The following ACBD6 variants were observed in gnomAD, a reference collection of about 807,000 sequenced individuals.
ACBD6 encodes the protein acyl-CoA binding domain containing 6, also known as acyl-CoA-binding domain-containing protein 6.
Under a neutral mutation model 37.2 loss-of-function variants are expected in ACBD6, and 28 were observed. The observed-to-expected ratio is 0.75, with a 90% confidence interval of 0.56 to 1.03. The LOEUF (loss-of-function observed/expected upper bound fraction) is 1.03, where lower values mean the gene tolerates loss of function less well. Ranked by LOEUF, ACBD6 falls within the 50% of genes least tolerant of loss-of-function variation. The pLI is 0.00. For synonymous variants in ACBD6, 113 were observed against 126.8 expected (o/e 0.89, Z 0.73); for missense variants, 340 against 337.4 (o/e 1.01, Z -0.06).
intron 3 of ACBD6, among the ~76,000 whole-genome samples, chr1:180,482,227 AG>A (rs1408996494): frequency 6.6e-6 from 1 of 152,188 alleles, no homozygotes; most frequent in Non-Finnish European, 1.5e-5. Context: ...TAATTTTTAT[AG>A]GTAAAAGATA....
At position 180,367,231 on chromosome 1, in the gene ACBD6, G is replaced by C. The variant is rs375943948; in HGVS notation, c.663+30285C>G. 9.8e-5 allele frequency among the ~76,000 whole-genome samples: 15 copies of C among 152,288 alleles called. No homozygotes were observed. In the East Asian group the frequency reaches 2.7e-3, roughly 27 times the overall value. ...CAGAAACTCTGCCTATGTTTTTGCAGATGTAGAGATTTCTTTGCATAAGGG... is the reference window on the plus strand; with the variant it reads ...CAGAAACTCTGCCTATGTTTTTGCACATGTAGAGATTTCTTTGCATAAGGG... On this transcript the variant is annotated intron_variant, in intron 6 of 7. Transcript: ENST00000367595.
rs1649023605 is a variant in ACBD6 at position 180,436,063 on chromosome 1, C to T, written c.385-5801G>A. The T allele has an allele frequency of 8.2e-6, 5 of 612,248 alleles. No homozygotes were observed. The South Asian group carries it at 9.8e-5, about 12-fold the overall frequency. 37.9% of individuals were successfully genotyped at this position (612,248 alleles called of 1,614,324 possible). Reference sequence around the variant, plus strand: ...AAGTATTGCTAAATATGTTAGACCTCCAGGTTAAAGATGATTCAGCTTTAA... The same window carrying T: ...AAGTATTGCTAAATATGTTAGACCTTCAGGTTAAAGATGATTCAGCTTTAA... On this transcript the variant is annotated intron_variant, in intron 3 of 7. Transcript: ENST00000367595.
chr1:180,295,515 AT>A (rs35187691), intron 7 of ACBD6, among the ~76,000 whole-genome samples: 102,781 of 150,388 alleles, frequency 0.68, 37,347 homozygotes, highest in Non-Finnish European at 0.82. Context: ...CAGATAATGC[AT>A]TTTTTTTTTC....
At chr1:180,332,813 C>T (rs1021905361) in intron 6 of ACBD6, among the ~76,000 whole-genome samples, 2 of 152,156 alleles carry the variant, frequency 1.3e-5, no homozygotes, top group African/African-American at 4.8e-5. Flanking sequence ...TTCCACGAAA[C>T]CTGTCCCTGG....
At chr1:180,473,249 C>T (rs1160822131) in intron 3 of ACBD6, among the ~76,000 whole-genome samples, 1 of 151,926 alleles carries the variant, frequency 6.6e-6, no homozygotes, top group African/African-American at 2.4e-5. Context: ...AGATCGAGAC[C>T]ATCCTGGCTA....
At chr1:180,386,165 G>A (rs1375708300) in intron 6 of ACBD6, among the ~76,000 whole-genome samples, 1 of 152,150 alleles carries the variant, frequency 6.6e-6, no homozygotes, top group Admixed American at 6.5e-5. Context: ...GCTAGACACT[G>A]TCTCAAAAAA....
chr1:180,413,033 G>A (rs978601387), intron 5 of ACBD6, among the ~76,000 whole-genome samples: 15 of 152,168 alleles, frequency 9.9e-5, no homozygotes, highest in African/African-American at 3.6e-4. Flanking sequence ...GTATAATAAC[G>A]GAAGACACGA....
chr1:180,456,739 T>C (rs1649940627), intron 3 of ACBD6, among the ~76,000 whole-genome samples: 1 of 152,136 alleles, frequency 6.6e-6, no homozygotes, highest in Non-Finnish European at 1.5e-5. Flanking sequence ...AATTTTTTTT[T>C]TTTTAACACC....
At chr1:180,435,753 T>G (rs1557869760) in intron 3 of ACBD6, 6 of 848,800 alleles carry the variant, frequency 7.1e-6, no homozygotes, top group Non-Finnish European at 1.2e-5. Flanking sequence ...CACTTCAGAA[T>G]AGCAGCCAAG....
chr1:180,501,915 A>AC, intron 1 of ACBD6, 130 bp downstream of exon 1: 1 of 892,376 alleles, frequency 1.1e-6, no homozygotes, highest in South Asian at 1.6e-5. Flanking sequence ...CAAAAAAAAA[A>AC]AAACAAAACA....
downstream of ACBD6, among the ~76,000 whole-genome samples, chr1:180,283,416 C>G (rs1217905870): frequency 6.6e-6 from 1 of 152,072 alleles, no homozygotes; most frequent in African/African-American, 2.4e-5. Flanking sequence ...GCCTAGAGCT[C>G]CACCATGAGA....
chr1:180,294,438 T>C (rs952348431), intron 7 of ACBD6, among the ~76,000 whole-genome samples: 4 of 151,914 alleles, frequency 2.6e-5, no homozygotes, highest in African/African-American at 9.7e-5. Flanking sequence ...CTCCGGAGGC[T>C]GAGGCAGGAG....
At chr1:180,478,118 T>C (rs911371445) in intron 3 of ACBD6, among the ~76,000 whole-genome samples, 1 of 152,172 alleles carries the variant, frequency 6.6e-6, no homozygotes, top group African/African-American at 2.4e-5. Flanking sequence ...AACAAAGTCA[T>C]TTTTAATTCT....
chr1:180,443,852 T>G (rs991109658), intron 3 of ACBD6, among the ~76,000 whole-genome samples: 3 of 151,292 alleles, frequency 2.0e-5, no homozygotes, highest in Non-Finnish European at 2.9e-5. Context: ...CTCGATCTCC[T>G]GACCTCGTGA....
In ACBD6 at chr1:180,314,406, G is replaced by A. The variant is rs115042028; in HGVS notation, c.694+286C>T. On this transcript the variant is annotated intron_variant, in intron 7 of 7. Coordinates refer to ENST00000367595, the MANE Select transcript of ACBD6 (RefSeq NM_032360.4). Reference sequence around the variant, plus strand: ...ATTACAGGTGCCCGCCATCAGCCCTGGCTAATTTTTGTATTTTTAGTAGAG... The same window carrying A: ...ATTACAGGTGCCCGCCATCAGCCCTAGCTAATTTTTGTATTTTTAGTAGAG... 3.9e-3 allele frequency among the ~76,000 whole-genome samples: 591 copies of A among 152,142 alleles called. 6 individuals are homozygous for A. The highest frequency in any genetic ancestry group is 0.014 in the African/African-American group (561 of 41,512).
chr1:180,409,730 G>T (rs1647776515), intron 5 of ACBD6, among the ~76,000 whole-genome samples: 1 of 152,004 alleles, frequency 6.6e-6, no homozygotes, highest in Non-Finnish European at 1.5e-5. Context: ...CTCTCTTCAG[G>T]CTTCCCTATT....
chr1:180,396,995 A>C (rs1447818537), intron 6 of ACBD6, among the ~76,000 whole-genome samples: 2 of 152,212 alleles, frequency 1.3e-5, no homozygotes, highest in African/African-American at 4.8e-5. Context: ...ATACAAGGAC[A>C]CAAATGTTCA....
At chr1:180,446,083 T>C (rs1323880102) in intron 3 of ACBD6, among the ~76,000 whole-genome samples, 1 of 151,980 alleles carries the variant, frequency 6.6e-6, no homozygotes, top group African/African-American at 2.4e-5. Context: ...CTCATTCAAC[T>C]TCTGCTTCCC....
At chr1:180,347,386 A>T (rs1046334698) in intron 6 of ACBD6, among the ~76,000 whole-genome samples, 2 of 110,576 alleles carry the variant, frequency 1.8e-5, no homozygotes, top group South Asian at 3.0e-4. Context: ...TTTTTTTGAG[A>T]CAGAGTCATG....
Sources: gnomAD v4.1 joint callset for allele counts (sites outside exome capture counted in the v4.1 genomes callset) on GRCh38, gnomAD v4.1.1 for gene constraint, MANE v1.5 for transcripts, NCBI Gene and HGNC (gene_info 2026-07-23, HGNC 2026-07-21) for gene names.